HIGD1A: variants seen among roughly 807,000 people sequenced by gnomAD.
The protein encoded by HIGD1A is HIG1 hypoxia inducible domain family member 1A.
HIGD1A carries 8 observed loss-of-function variants against 11.3 expected under a neutral mutation model. That is an observed-to-expected ratio of 0.71 (90% CI 0.42 to 1.28). The LOEUF is 1.28. Ranked by LOEUF, HIGD1A falls within the 50% of genes most tolerant of loss-of-function variation. The pLI is 0.01. For synonymous variants in HIGD1A, 32 were observed against 38.4 expected, an observed-to-expected ratio of 0.83 and a Z score of 0.62; for missense variants, 107 against 118.8, an observed-to-expected ratio of 0.90 and a Z score of 0.46.
chr3:42,788,647 C>T (rs936478960), intron 2 of HIGD1A, among the ~76,000 whole-genome samples: 1 of 151,912 alleles, frequency 6.6e-6, no homozygotes, highest in African/African-American at 2.4e-5. Context: ...TTTGGGAGGC[C>T]GAGGCAGGTG....
At chr3:42,792,673 C>CA (rs770734262) in intron 2 of HIGD1A, among the ~76,000 whole-genome samples, 1,316 of 83,298 alleles carry the variant, frequency 0.016, 5 homozygotes, top group Non-Finnish European at 0.018. Flanking sequence ...GACTCCGTTT[C>CA]AAAAAAAAAA....
At chr3:42,786,698 TA>T (rs1700355831) in intron 2 of HIGD1A, among the ~76,000 whole-genome samples, 1 of 152,246 alleles carries the variant, frequency 6.6e-6, no homozygotes, top group Non-Finnish European at 1.5e-5. Flanking sequence ...CCTAGAGTTC[TA>T]TACAGAGCCA....
intron 1 of HIGD1A, among the ~76,000 whole-genome samples, chr3:42,803,825 A>G (rs1205799219): frequency 6.6e-6 from 1 of 152,236 alleles, no homozygotes; most frequent in East Asian, 1.9e-4. Flanking sequence ...CGGTCACAGA[A>G]GCACTACACA....
At chr3:42,788,029 C>G (rs531372289) in intron 2 of HIGD1A, among the ~76,000 whole-genome samples, 210 of 2,238 alleles carry the variant, frequency 0.094, no homozygotes, top group Admixed American at 0.16. Context: ...CATACCCCCA[C>G]CTCTAACCAC....
intron 2 of HIGD1A, among the ~76,000 whole-genome samples, chr3:42,789,548 C>A (rs1167463046): frequency 8.2e-6 from 1 of 121,682 alleles, no homozygotes; most frequent in Non-Finnish European, 1.7e-5. Flanking sequence ...AAAGAATTCA[C>A]TGGAAGAACA....
chr3:42,789,650 T>C (rs1700396552), intron 2 of HIGD1A, among the ~76,000 whole-genome samples: 3 of 151,362 alleles, frequency 2.0e-5, no homozygotes, highest in Admixed American at 6.6e-5. Context: ...AATTAGAATA[T>C]AGTTCAGACA....
In HIGD1A at chr3:42,794,278, GAGAA is replaced by G. The variant is rs759104924; in HGVS notation, c.-22-7_-22-4del. The G allele has an allele frequency of 3.7e-5, 57 of 1,560,836 alleles. No individual in the cohort carries two copies. In the Admixed American group the frequency reaches 9.6e-4, roughly 26 times the overall value. On this transcript the variant is annotated splice_polypyrimidine_tract_variant and splice_region_variant and intron_variant, in intron 1 of 3. Coordinates refer to ENST00000321331, the MANE Select transcript of HIGD1A (RefSeq NM_014056.4). ...TAGTGATTGCTTGAAGAATCTCCCTGAGAAAGAATTTCTATGAGGTTCTGTAATT... is the reference window on the plus strand; with the variant it reads ...TAGTGATTGCTTGAAGAATCTCCCTGAGAATTTCTATGAGGTTCTGTAATT...
intron 1 of HIGD1A, among the ~76,000 whole-genome samples, chr3:42,803,092 A>C (rs1362780452): frequency 1.3e-5 from 2 of 152,210 alleles, no homozygotes; most frequent in Non-Finnish European, 2.9e-5. Flanking sequence ...TCGTTTTCTC[A>C]TCCACCCACA....
chr3:42,801,970 C>A (rs566684210), intron 1 of HIGD1A, among the ~76,000 whole-genome samples: 1 of 152,112 alleles, frequency 6.6e-6, no homozygotes, highest in Admixed American at 6.6e-5. Context: ...GTGGAGGTTG[C>A]GGTGAGCCAT....
intron 2 of HIGD1A, among the ~76,000 whole-genome samples, chr3:42,791,919 G>C (rs1313738608): frequency 6.6e-6 from 1 of 152,044 alleles, no homozygotes; most frequent in African/African-American, 2.4e-5. Flanking sequence ...AAATTTTATA[G>C]ATCACTGTTA....
intron 2 of HIGD1A, among the ~76,000 whole-genome samples, chr3:42,792,472 G>A (rs189869489): frequency 1.3e-5 from 2 of 151,904 alleles, no homozygotes; most frequent in East Asian, 3.9e-4. Context: ...AGGAGATCGA[G>A]ATCATCCTGG....
rs140576377 is a variant in HIGD1A at position 42,795,406 on chromosome 3, G to C, written c.-22-1131C>G. On this transcript the variant is annotated intron_variant, in intron 1 of 3. Coordinates refer to ENST00000321331, the MANE Select transcript of HIGD1A (RefSeq NM_014056.4). The stretch of plus-strand genomic sequence containing the variant: ...GCTAATTTTTTTTGTATTTTTAGTA[G>C]AGATGGGGTTTCACCATCTTGACCA... Among the ~76,000 whole-genome samples the C allele has an allele frequency of 1.3e-3, 190 of 151,928 alleles. 4 individuals are homozygous for C. In the East Asian group the frequency reaches 0.03, roughly 24 times the overall value.
At chr3:42,801,426 T>G (rs988947227) in intron 1 of HIGD1A, among the ~76,000 whole-genome samples, 1 of 152,222 alleles carries the variant, frequency 6.6e-6, no homozygotes, top group Non-Finnish European at 1.5e-5. Context: ...GCTAGAATCC[T>G]TCAAGTCAGG....
intron 1 of HIGD1A, among the ~76,000 whole-genome samples, 196 bp from the exon 2 acceptor site, chr3:42,794,471 T>C (rs539964775): frequency 6.6e-6 from 1 of 152,354 alleles, no homozygotes; most frequent in Non-Finnish European, 1.5e-5. Context: ...TTGTATACAC[T>C]TATTCCCCCT....
chr3:42,783,270 G>C lies in HIGD1A; in HGVS notation c.*2001C>G, dbSNP rs1700302172. Among the ~76,000 whole-genome samples, 1 of 152,214 alleles carries C rather than the reference G, an allele frequency of 6.6e-6. No individual in the cohort carries two copies. Among genetic ancestry groups the C allele is most frequent in the Non-Finnish European group, 1.5e-5 (1 of 68,048 alleles). ...CTGATACAATAATAGTTGGGCACCAGAGTGTATCAGCTAAAGCTAAGCTGA... is the reference window on the plus strand; with the variant it reads ...CTGATACAATAATAGTTGGGCACCACAGTGTATCAGCTAAAGCTAAGCTGA... On this transcript the variant is annotated 3_prime_UTR_variant, in exon 4 of 4. Transcript: ENST00000321331.
intron 1 of HIGD1A, chr3:42,804,224 G>A (rs765137058): frequency 2.7e-5 from 43 of 1,608,596 alleles, no homozygotes; most frequent in Non-Finnish European, 3.7e-5. Flanking sequence ...CTCACCCGAA[G>A]GACCCTAGGC....
chr3:42,786,477 G>T (rs533726878), intron 2 of HIGD1A, among the ~76,000 whole-genome samples: 2 of 152,196 alleles, frequency 1.3e-5, no homozygotes, highest in East Asian at 1.9e-4. Context: ...TGTGCCAAAG[G>T]TCTTGACTTA....
In HIGD1A at chr3:42,783,477, T is replaced by C. The variant is rs1040034579; in HGVS notation, c.*1794A>G. Among the ~76,000 whole-genome samples, 1 of 151,954 alleles carries C rather than the reference T, an allele frequency of 6.6e-6. No homozygotes were observed. The highest frequency in any genetic ancestry group is 1.5e-5 in the Non-Finnish European group (1 of 67,992). On this transcript the variant is annotated 3_prime_UTR_variant, in exon 4 of 4. Transcript: ENST00000321331. ...TAAAAACACAAAAATTAGCCCGACA[T>C]GGTGGCGCATGCCTGTAATCCCAGC...
At chr3:42,802,657 A>G (rs980454956) in intron 1 of HIGD1A, among the ~76,000 whole-genome samples, 1 of 152,220 alleles carries the variant, frequency 6.6e-6, no homozygotes, top group African/African-American at 2.4e-5. Context: ...TAATCATATA[A>G]TTTGAGAGTA....
Sources: gnomAD v4.1 joint callset for allele counts (sites outside exome capture counted in the v4.1 genomes callset) on GRCh38, gnomAD v4.1.1 for gene constraint, MANE v1.5 for transcripts, NCBI Gene and HGNC (gene_info 2026-07-23, HGNC 2026-07-21) for gene names.